The following COG5 variants were observed in gnomAD, a reference collection of about 807,000 sequenced individuals.
COG5 encodes the protein conserved oligomeric Golgi complex subunit 5.
A neutral mutation model predicts 110.4 loss-of-function variants in COG5; 86 were observed. That is an observed-to-expected ratio of 0.78 (90% CI 0.65 to 0.93). The LOEUF is 0.93. COG5 is among the 40% of genes least tolerant of loss of function. The pLI, the probability that COG5 is intolerant of heterozygous loss-of-function variation, is 0.00. For synonymous variants in COG5, 360 were observed against 334.6 expected, an observed-to-expected ratio of 1.08 and a Z score of -0.83; for missense variants, 1,077 against 987.0, an observed-to-expected ratio of 1.09 and a Z score of -1.22.
At chr7:107,349,910 G>A (rs1392311078) in intron 10 of COG5, among the ~76,000 whole-genome samples, 2 of 152,082 alleles carry the variant, frequency 1.3e-5, no homozygotes, top group South Asian at 2.1e-4. Flanking sequence ...CAGGCTGTTC[G>A]CAAACTCCTG....
chr7:107,224,879 C>T lies in COG5; in HGVS notation c.2168+5736G>A, dbSNP rs11763178. 5.2e-3 allele frequency among the ~76,000 whole-genome samples: 799 copies of T among 152,346 alleles called. 4 individuals are homozygous for T. Among genetic ancestry groups the T allele is most frequent in the Non-Finnish European group, 9.5e-3 (644 of 68,034 alleles). ...TCTCTACTGAGTATGAAAAGATTCC[C>T]GCTGCCTGAGAAACTATAATGTAGA... On this transcript the variant is annotated intron_variant, in intron 19 of 21. Coordinates refer to ENST00000297135, the MANE Select transcript of COG5 (RefSeq NM_006348.5).
At chr7:107,289,228 T>C (rs1805955681) in intron 12 of COG5, among the ~76,000 whole-genome samples, 1 of 152,020 alleles carries the variant, frequency 6.6e-6, no homozygotes, top group African/African-American at 2.4e-5. Flanking sequence ...TTATTTTGCA[T>C]GTCACTATCA....
intron 6 of COG5, chr7:107,472,962 T>G (rs1244044267): frequency 2.0e-5 from 3 of 151,924 alleles, no homozygotes; most frequent in Non-Finnish European, 4.4e-5. Flanking sequence ...TTTTACAAAT[T>G]ATTCTAAACC....
rs181796141 is a variant in COG5 at position 107,472,385 on chromosome 7, G to A, written c.538+54852C>T. 3.3e-5 allele frequency: 5 copies of A among 152,024 alleles called. No individual in the cohort carries two copies. In the East Asian group the frequency reaches 7.7e-4, roughly 23 times the overall value. 9.4% of individuals were successfully genotyped at this position (152,024 alleles called of 1,614,324 possible). On this transcript the variant is annotated intron_variant, in intron 6 of 21. Coordinates refer to ENST00000297135, the MANE Select transcript of COG5 (RefSeq NM_006348.5). ...TCATAGTGAACCAAAAGGCCCATAA[G>A]GCAACAGCAAACAGGTAGGTCAGAA... is the stretch of plus-strand genomic sequence containing the variant.
chr7:107,267,509 G>C (rs1482366674), intron 14 of COG5, among the ~76,000 whole-genome samples: 1 of 152,136 alleles, frequency 6.6e-6, no homozygotes, highest in Non-Finnish European at 1.5e-5. Flanking sequence ...CAGGTATGCT[G>C]AGCTTTTCCC....
intron 14 of COG5, among the ~76,000 whole-genome samples, chr7:107,280,668 T>C (rs79208277): frequency 0.032 from 4,912 of 152,088 alleles, 248 homozygotes; most frequent in African/African-American, 0.11. Context: ...ACATATATAC[T>C]AGTGAAATAT....
intron 8 of COG5, among the ~76,000 whole-genome samples, chr7:107,369,335 C>A (rs936982740): frequency 6.6e-6 from 1 of 150,972 alleles, no homozygotes; most frequent in Non-Finnish European, 1.5e-5. Flanking sequence ...CTAGTTTATC[C>A]ATTGCTTGTA....
intron 10 of COG5, among the ~76,000 whole-genome samples, chr7:107,354,327 T>C (rs1403143169): frequency 6.6e-6 from 1 of 152,230 alleles, no homozygotes; most frequent in Non-Finnish European, 1.5e-5. Context: ...CAAGATTCTT[T>C]ACTAGCTAGC....
In COG5 at chr7:107,476,184, TA is replaced by T. The variant is rs34741713; in HGVS notation, c.538+51052del. On this transcript the variant is annotated intron_variant, in intron 6 of 21. Coordinates refer to ENST00000297135, the MANE Select transcript of COG5 (RefSeq NM_006348.5). ...CTGGATTAATATAGTGCAATGATTT[TA>T]AAAAAAAAAAAAAAAAAAAAAAGAA... Among the ~76,000 whole-genome samples the T allele has an allele frequency of 3.0e-3, 130 of 44,066 alleles. 1 individual carries two copies. The highest frequency in any genetic ancestry group is 0.016 in the South Asian group (27 of 1,684). The allele number at this position is 44,066 out of a possible 152,430, so 28.9% of individuals were successfully genotyped here. A position where few individuals can be genotyped will look rare whatever the true frequency, so the allele number is the denominator to read the frequency against.
chr7:107,300,275 C>A (rs1807150794), intron 11 of COG5, among the ~76,000 whole-genome samples: 1 of 152,070 alleles, frequency 6.6e-6, no homozygotes. Context: ...AGCAACAAGA[C>A]AACAATGTTA....
chr7:107,554,449 A>C, intron 2 of COG5, 107 bp from the exon 3 acceptor site: 1 of 996,534 alleles, frequency 1.0e-6, no homozygotes, highest in East Asian at 2.6e-5. Context: ...AGGCAAATAC[A>C]AATACAAAAG....
intron 10 of COG5, among the ~76,000 whole-genome samples, chr7:107,355,400 G>A (rs934627008): frequency 1.1e-4 from 16 of 152,148 alleles, no homozygotes; most frequent in African/African-American, 3.6e-4. Flanking sequence ...CAGTCAGCAA[G>A]CGCAACTCTT....
At chr7:107,327,842 T>C (rs1411946041) in intron 10 of COG5, among the ~76,000 whole-genome samples, 2 of 152,160 alleles carry the variant, frequency 1.3e-5, no homozygotes, top group Non-Finnish European at 2.9e-5. Flanking sequence ...TTTTGTGCAC[T>C]GTTGGTAGAA....
intron 12 of COG5, among the ~76,000 whole-genome samples, chr7:107,287,976 A>G (rs914403203): frequency 1.3e-5 from 2 of 152,202 alleles, no homozygotes; most frequent in African/African-American, 4.8e-5. Flanking sequence ...TGCTACAAAC[A>G]TTTGCATACA....
At chr7:107,296,059 C>CGCG (rs1246045975) in intron 12 of COG5, among the ~76,000 whole-genome samples, 1 of 152,050 alleles carries the variant, frequency 6.6e-6, no homozygotes, top group African/African-American at 2.4e-5. Context: ...TTCCAAAGTT[C>CGCG]ACGGTCTTTC....
chr7:107,532,594 T>G (rs1043795652), intron 5 of COG5, among the ~76,000 whole-genome samples: 1 of 152,198 alleles, frequency 6.6e-6, no homozygotes, highest in Admixed American at 6.5e-5. Flanking sequence ...GAATCTCAAG[T>G]TCATACTGAT....
At position 107,523,740 on chromosome 7, in the gene COG5, G is replaced by A. The variant is rs990533914; in HGVS notation, c.538+3497C>T. Among the ~76,000 whole-genome samples, 6 of 152,084 alleles carry A rather than the reference G, an allele frequency of 3.9e-5. No homozygotes were observed. In the South Asian group the frequency reaches 6.2e-4, roughly 16 times the overall value. ...TGAGGCAGGAGAATTGCTTAAACCC[G>A]GGAGGCGGAGGTTGCCGTGAGGCGA... is the stretch of plus-strand genomic sequence containing the variant. On this transcript the variant is annotated intron_variant, in intron 6 of 21. Coordinates refer to ENST00000297135, the MANE Select transcript of COG5 (RefSeq NM_006348.5).
At chr7:107,563,780 C>G (rs200478857) in intron 1 of COG5, 23 bp downstream of exon 1, 40 of 1,613,502 alleles carry the variant, frequency 2.5e-5, no homozygotes, top group South Asian at 1.6e-4. Context: ...ACCCCACGAC[C>G]TGGTCAGACC....
chr7:107,474,270 C>T lies in COG5; in HGVS notation c.538+52967G>A. On this transcript the variant is annotated intron_variant, in intron 6 of 21. Transcript: ENST00000297135. The surrounding 1 kb of genome is among the most constrained non-coding windows in gnomAD (Gnocchi z 5.7). The stretch of plus-strand genomic sequence containing the variant: ...TATTGGTACTTTACTGCATGAAATC[C>T]AACTTAATCAACTCTGTCAGTAACA... 6.2e-7 allele frequency: 1 copy of T among 1,611,860 alleles called. No individual in the cohort carries two copies. The highest frequency in any genetic ancestry group is 8.5e-7 in the Non-Finnish European group (1 of 1,178,290).
Sources: allele counts gnomAD v4.1 joint callset (sites outside exome capture counted in the v4.1 genomes callset), GRCh38; gene constraint gnomAD v4.1.1; non-coding constraint Gnocchi (gnomAD v3.1); transcripts MANE v1.5; gene names NCBI Gene and HGNC (gene_info 2026-07-23, HGNC 2026-07-21).